The following LEMD1 variants were observed in gnomAD, a reference collection of about 807,000 sequenced individuals.
The protein encoded by LEMD1 is LEM domain containing 1.
In LEMD1, 18 loss-of-function variants were observed where a neutral mutation model predicts 17.4. The observed-to-expected ratio is 1.04, with a 90% CI of 0.72 to 1.54. LEMD1 has a LOEUF of 1.54. LEMD1 is among the 40% of genes most tolerant of loss of function. The pLI is 0.00. For missense variants in LEMD1, 195 were observed against 210.4 expected (o/e 0.93, Z 0.45); for synonymous variants, 88 against 77.8 (o/e 1.13, Z -0.69).
Position 205,381,462 on chromosome 1 carries a change from C to T in LEMD1, c.*196G>A. ...TGGGGGATTTCCTAACCATCATGCT[C>T]TTAACACAGGTGCCTGGTTAGGCAG... On this transcript the variant is annotated 3_prime_UTR_variant, in exon 6 of 6. Transcript: ENST00000367153. 3.3e-6 allele frequency: 2 copies of T among 608,650 alleles called. No homozygotes were observed. The highest frequency in any genetic ancestry group is 5.8e-5 in the Admixed American group (2 of 34,244). 37.7% of individuals were successfully genotyped at this position (608,650 alleles called of 1,614,324 possible).
intron 1 of LEMD1, chr1:205,436,752 C>T (rs1666214792): frequency 6.6e-6 from 1 of 152,328 alleles, no homozygotes; most frequent in South Asian, 2.1e-4. Flanking sequence ...AGGAGGAACA[C>T]CAGACTTCCT....
chr1:205,409,384 T>C lies in LEMD1; in HGVS notation c.270+6848A>G, dbSNP rs186928249. Among the ~76,000 whole-genome samples the C allele has an allele frequency of 7.9e-5, 12 of 152,318 alleles. No homozygotes were observed. The East Asian group carries it at 2.1e-3, about 27-fold the overall frequency. On this transcript the variant is annotated intron_variant, in intron 4 of 5. Transcript: ENST00000367153. ...TCATGCTTTTCATGTAACAATAATG[T>C]TAATGATAATAATAGCTCTTATTTG...
At chr1:205,386,120 A>T (rs1173417892) in intron 4 of LEMD1, 1 of 152,136 alleles carries the variant, frequency 6.6e-6, no homozygotes, top group Non-Finnish European at 1.5e-5. Flanking sequence ...ACAACAATAG[A>T]GTGGACCCCT....
intron 1 of LEMD1, among the ~76,000 whole-genome samples, chr1:205,446,163 T>C (rs564993469): frequency 2.0e-5 from 3 of 152,360 alleles, no homozygotes; most frequent in African/African-American, 7.2e-5. Flanking sequence ...GCTTATTCAA[T>C]GCAATTGAAC....
At chr1:205,394,512 G>A (rs1664495236) in intron 4 of LEMD1, among the ~76,000 whole-genome samples, 1 of 152,014 alleles carries the variant, frequency 6.6e-6, no homozygotes, top group Admixed American at 6.6e-5. Context: ...AGCCTCCCAA[G>A]TAGCTGGGAT....
At chr1:205,425,596 G>A (rs1340666146), upstream of LEMD1, among the ~76,000 whole-genome samples, 1 of 152,182 alleles carries the variant, frequency 6.6e-6, no homozygotes, top group Non-Finnish European at 1.5e-5. Context: ...CTGCAGATGA[G>A]GAAACGAGTG....
At chr1:205,425,572 G>A (rs924889094), upstream of LEMD1, among the ~76,000 whole-genome samples, 1 of 152,150 alleles carries the variant, frequency 6.6e-6, no homozygotes, top group African/African-American at 2.4e-5. Flanking sequence ...TACGTACCAG[G>A]CACCCTGCTA....
chr1:205,388,628 C>T (rs888563603), intron 4 of LEMD1, among the ~76,000 whole-genome samples: 3 of 152,178 alleles, frequency 2.0e-5, no homozygotes, highest in African/African-American at 7.2e-5. Context: ...TAATTTAAAC[C>T]CAGATATTCT....
At chr1:205,395,203 C>A (rs908759982) in intron 4 of LEMD1, among the ~76,000 whole-genome samples, 1 of 151,958 alleles carries the variant, frequency 6.6e-6, no homozygotes. Flanking sequence ...TGTAAAACAC[C>A]GATGGAAAAA....
At chr1:205,444,895 C>T (rs556235259) in intron 1 of LEMD1, among the ~76,000 whole-genome samples, 26 of 151,606 alleles carry the variant, frequency 1.7e-4, no homozygotes, top group Admixed American at 1.6e-3. Context: ...TCCCCGCCAC[C>T]CCCCACCCCA....
At position 205,419,656 on chromosome 1, in the gene LEMD1, A is replaced by G. The variant is rs115620298; in HGVS notation, c.83-304T>C. On this transcript the variant is annotated intron_variant, in intron 2 of 5. Transcript: ENST00000367153. Reference sequence around the variant, plus strand: ...TTTTGTGTTTACTTTAGTAGAGACGAGGTTTCGCCATGTTGGCCAGGCTGA... The same window carrying G: ...TTTTGTGTTTACTTTAGTAGAGACGGGGTTTCGCCATGTTGGCCAGGCTGA... Among the ~76,000 whole-genome samples, 1,073 of 152,188 alleles carry G rather than the reference A, an allele frequency of 7.1e-3. 11 individuals carry two copies. The highest frequency in any genetic ancestry group is 0.025 in the African/African-American group (1,018 of 41,524).
At chr1:205,445,405 G>T (rs750434522) in intron 1 of LEMD1, among the ~76,000 whole-genome samples, 1 of 152,214 alleles carries the variant, frequency 6.6e-6, no homozygotes, top group African/African-American at 2.4e-5. Context: ...GGAGAAGCCC[G>T]CATTCTCCTT....
At chr1:205,386,156 G>C (rs1190075387) in intron 4 of LEMD1, 1 of 152,818 alleles carries the variant, frequency 6.5e-6, no homozygotes, top group Non-Finnish European at 1.5e-5. Flanking sequence ...TATGACTTAT[G>C]GCAGGCCCAA....
intron 4 of LEMD1, among the ~76,000 whole-genome samples, chr1:205,391,303 G>A (rs1368178309): frequency 2.6e-5 from 4 of 151,852 alleles, no homozygotes; most frequent in Non-Finnish European, 5.9e-5. Flanking sequence ...ATAGAGAGAA[G>A]GTCCACAGGC....
chr1:205,438,082 TA>T (rs1160321081), intron 1 of LEMD1, among the ~76,000 whole-genome samples: 1 of 152,228 alleles, frequency 6.6e-6, no homozygotes, highest in South Asian at 2.1e-4. Flanking sequence ...GCCAGGGTCC[TA>T]GGCAACACTC....
intron 4 of LEMD1, among the ~76,000 whole-genome samples, chr1:205,410,390 T>A (rs958577315): frequency 6.6e-6 from 1 of 152,062 alleles, no homozygotes; most frequent in Non-Finnish European, 1.5e-5. Context: ...GATCCAGGGG[T>A]GGAAACTCTG....
chr1:205,433,484 T>C (rs1449431166), intron 1 of LEMD1, among the ~76,000 whole-genome samples: 1 of 152,076 alleles, frequency 6.6e-6, no homozygotes. Context: ...TATTAAATTG[T>C]GAGTTTCTCG....
rs149787595 is a variant in LEMD1 at position 205,435,000 on chromosome 1, C to T, written c.-38-14426G>A. 1,073 of 152,288 alleles carry T rather than the reference C, an allele frequency of 7.0e-3. 16 individuals carry two copies. Among genetic ancestry groups the T allele is most frequent in the East Asian group, 8.9e-3 (46 of 5,188 alleles). The allele number at this position is 152,288 out of a possible 1,614,324, so 9.4% of individuals were successfully genotyped here. A position where few individuals can be genotyped will look rare whatever the true frequency, so the allele number is the denominator to read the frequency against. ...TGCATAGATTCGGGAAACCATGCAA[C>T]TTGAGCCAAAATGAAACCAATTAGA... On this transcript the variant is annotated intron_variant, in intron 1 of 3. Coordinates refer to the LEMD1 transcript ENST00000367154.
At chr1:205,444,362 C>A (rs1666348590) in intron 1 of LEMD1, among the ~76,000 whole-genome samples, 1 of 152,028 alleles carries the variant, frequency 6.6e-6, no homozygotes, top group African/African-American at 2.4e-5. Context: ...GGTCTGGGGG[C>A]ACAGACGATG....
Sources: gnomAD v4.1 joint callset for allele counts (sites outside exome capture counted in the v4.1 genomes callset) on GRCh38, gnomAD v4.1.1 for gene constraint, MANE v1.5 for transcripts, NCBI Gene and HGNC (gene_info 2026-07-23, HGNC 2026-07-21) for gene names.